The following RBL1 variants were observed in gnomAD, a reference collection of about 807,000 sequenced individuals.
RBL1 encodes retinoblastoma-like protein 1.
In RBL1, 82 loss-of-function variants were observed where a neutral mutation model predicts 123.0. The ratio of observed to expected loss-of-function variants is 0.67; its 90% CI spans 0.56 to 0.80. The LOEUF (loss-of-function observed/expected upper bound fraction) is 0.80, where lower values mean the gene tolerates loss of function less well. Among genes scored for constraint, RBL1 ranks in the 30% least tolerant of loss-of-function variants. RBL1 has a pLI of 0.00. For missense variants in RBL1, 1,171 were observed against 1,299.6 expected (o/e 0.90, Z 1.52); for synonymous variants, 405 against 441.3 (o/e 0.92, Z 1.03).
intron 12 of RBL1, among the ~76,000 whole-genome samples, chr20:37,045,457 T>C (rs572514017): frequency 6.6e-6 from 1 of 151,872 alleles, no homozygotes; most frequent in African/African-American, 2.4e-5. Context: ...TTATGTCATT[T>C]AAAAAAACAA....
At chr20:37,042,901 CCCCT>C (rs2064753696) in intron 13 of RBL1, among the ~76,000 whole-genome samples, 1 of 110,102 alleles carries the variant, frequency 9.1e-6, no homozygotes, top group Non-Finnish European at 2.0e-5. Flanking sequence ...CTTGTCCCCC[CCCCT>C]CCAAAAAAAA....
At position 37,022,781 on chromosome 20, in the gene RBL1, G is replaced by A; in HGVS notation, c.2428C>T (p.Leu810=). 6.2e-7 allele frequency: 1 copy of A among 1,613,576 alleles called. No individual in the cohort carries two copies. The highest frequency in any genetic ancestry group is 8.5e-7 in the Non-Finnish European group (1 of 1,179,642). The change falls in exon 17 of 22, where the codon CTG becomes TTG. Residue 810 remains leucine (L), a synonymous_variant. Transcript: ENST00000373664. The stretch of plus-strand genomic sequence containing the variant: ...CTTCGTAACTCATTTGAAACATCCA[G>A]TTTTAGACATAGATCACGTAAGCGT... ...SVRLRDLCLK[L]DVSNELRRKI...
At chr20:37,056,525 T>G (rs1325907022) in intron 9 of RBL1, among the ~76,000 whole-genome samples, 1 of 152,034 alleles carries the variant, frequency 6.6e-6, no homozygotes, top group Non-Finnish European at 1.5e-5. Flanking sequence ...TGGCTAATTT[T>G]TGTAGTTTTA....
chr20:37,025,582 T>C (rs1236775586), intron 16 of RBL1, among the ~76,000 whole-genome samples: 1 of 151,956 alleles, frequency 6.6e-6, no homozygotes. Context: ...TAAACAGCAT[T>C]GGTGTATGTA....
intron 1 of RBL1, among the ~76,000 whole-genome samples, chr20:37,090,872 C>T (rs1305776478): frequency 6.6e-6 from 1 of 152,164 alleles, no homozygotes; most frequent in Non-Finnish European, 1.5e-5. Flanking sequence ...CCATCACTGA[C>T]TGAAACATTC....
Position 37,022,826 on chromosome 20 carries a change from C to T in RBL1, c.2383G>A (p.Val795Ile). 1 of 1,602,328 alleles carries T rather than the reference C, an allele frequency of 6.2e-7. No homozygotes were observed. Among genetic ancestry groups the T allele is most frequent in the Non-Finnish European group, 8.5e-7 (1 of 1,173,186 alleles). The change falls in exon 17 of 22, where the codon GTC becomes ATC. Residue 795 changes from valine (V) to isoleucine (I), a missense_variant and splice_region_variant. By Grantham distance (29) the Val-to-Ile change is conservative. Coordinates refer to ENST00000373664, the MANE Select transcript of RBL1 (RefSeq NM_002895.5). ...AAGCGTACACTTGCCAAATGATAGA[C>T]CTAAAATAGAAGGTAACACATTGAT... ...TGSLALFYRKVYHLASVRLRD... is the reference protein window; with the variant it reads ...TGSLALFYRKIYHLASVRLRD...
chr20:37,026,731 C>T (rs1385539186), intron 16 of RBL1, among the ~76,000 whole-genome samples: 1 of 149,198 alleles, frequency 6.7e-6, no homozygotes, highest in Non-Finnish European at 1.5e-5. Context: ...TTAGGCTGGG[C>T]GCAGTGGCTC....
At chr20:37,078,360 CTG>C (rs2065397100) in intron 2 of RBL1, among the ~76,000 whole-genome samples, 2 of 152,188 alleles carry the variant, frequency 1.3e-5, no homozygotes. Context: ...TGATCTTTGA[CTG>C]TATCAATTAT....
In RBL1 at chr20:37,065,475, T is replaced by C. The variant is rs1239450139; in HGVS notation, c.847-2A>G. The C allele has an allele frequency of 1.3e-6, 2 of 1,588,258 alleles. No homozygotes were observed. On this transcript the variant is annotated splice_acceptor_variant, in intron 6 of 21. Coordinates refer to ENST00000373664, the MANE Select transcript of RBL1 (RefSeq NM_002895.5). LOFTEE classifies it high-confidence loss of function. ...CAGGAGGCATTCTCCTTTTAATATC[T>C]GTGAACAAAAAATTATTTTGGGACA...
At chr20:37,089,541 G>GACCCA (rs2065613188) in intron 1 of RBL1, among the ~76,000 whole-genome samples, 1 of 152,010 alleles carries the variant, frequency 6.6e-6, no homozygotes, top group East Asian at 1.9e-4. Flanking sequence ...CTACTTGGGT[G>GACCCA]GCTGAGGCAA....
At chr20:37,050,124 G>A (rs751064553) in intron 11 of RBL1, among the ~76,000 whole-genome samples, 3 of 151,462 alleles carry the variant, frequency 2.0e-5, no homozygotes, top group East Asian at 3.9e-4. Flanking sequence ...AAACAGAGAC[G>A]AAGCAGTCAA....
In RBL1 at chr20:37,032,853, T is replaced by A. The variant is rs1488363037; in HGVS notation, c.2194A>T (p.Ile732Phe). The A allele has an allele frequency of 1.2e-6, 2 of 1,613,910 alleles. No individual in the cohort carries two copies. The highest frequency in any genetic ancestry group is 1.3e-5 in the African/African-American group (1 of 74,898). ...LHGVANDAGEITLIPLSMNTN... is the reference protein window; with the variant it reads ...LHGVANDAGEFTLIPLSMNTN... ...TTCATGGAAAGAGGTATCAGTGTGA[T>A]CTCTCCAGCATCATTTGCGACACCT... The change falls in exon 16 of 22, where the codon ATC (isoleucine) becomes TTC (phenylalanine). Residue 732 changes from isoleucine (I) to phenylalanine (F), a missense_variant. Physicochemically the swap from Ile to Phe is conservative, Grantham distance 21 (BLOSUM62 0). Coordinates refer to ENST00000373664, the MANE Select transcript of RBL1 (RefSeq NM_002895.5).
chr20:37,037,579 T>A (rs923442985), intron 14 of RBL1, among the ~76,000 whole-genome samples: 2 of 152,150 alleles, frequency 1.3e-5, no homozygotes, highest in African/African-American at 4.8e-5. Context: ...GCCTTTTTTT[T>A]AACATTTTGA....
chr20:37,082,164 C>T (rs961475301), intron 2 of RBL1: 68 of 350,058 alleles, frequency 1.9e-4, no homozygotes, highest in Non-Finnish European at 9.0e-5. Flanking sequence ...ACCCCAGGGA[C>T]CTGCGTACCT....
Position 37,052,650 on chromosome 20 carries a change from C to T in RBL1, c.1467+2903G>A, listed in dbSNP as rs538678370. ...TCAGACTCCTGAGTAGCTGGGACTA[C>T]GGGCATGCGCCACCACGCCTGGCTA... On this transcript the variant is annotated intron_variant, in intron 11 of 21. Transcript: ENST00000373664. Among the ~76,000 whole-genome samples, 5 of 152,264 alleles carry T rather than the reference C, an allele frequency of 3.3e-5. 1 individual carries two copies. Among genetic ancestry groups the T allele is most frequent in the African/African-American group, 9.6e-5 (4 of 41,546 alleles).
rs1256481820 is a variant in RBL1, at chr20:37,012,527, G to A, written c.2723-4968C>T. On this transcript the variant is annotated intron_variant, in intron 19 of 21. Coordinates refer to ENST00000373664, the MANE Select transcript of RBL1 (RefSeq NM_002895.5). Reference sequence around the variant, plus strand: ...GCCTCTGCCCCGCCGCCCCGTCTGGGATGTGAGGAGCGCCTCTACCCGGCC... The same window carrying A: ...GCCTCTGCCCCGCCGCCCCGTCTGGAATGTGAGGAGCGCCTCTACCCGGCC... Among the ~76,000 whole-genome samples, 18 of 151,580 alleles carry A rather than the reference G, an allele frequency of 1.2e-4. 1 individual carries two copies. The highest frequency in any genetic ancestry group is 9.8e-4 in the Admixed American group (15 of 15,238).
In RBL1 at chr20:36,999,488, C is replaced by T. The variant is rs1445216305; in HGVS notation, c.3037-559G>A. On this transcript the variant is annotated intron_variant, in intron 21 of 21. Transcript: ENST00000373664. ...CTCCCTCTCCCTCCTCTCCCTCTCC[C>T]TCTCCCCACGGTCTCCCTCTCCCTC... 2.0e-5 allele frequency among the ~76,000 whole-genome samples: 3 copies of T among 150,894 alleles called. No homozygotes were observed. The East Asian group carries it at 5.8e-4, about 29-fold the overall frequency.
intron 19 of RBL1, among the ~76,000 whole-genome samples, chr20:37,012,280 C>T (rs577912479): frequency 4.0e-4 from 61 of 152,170 alleles, no homozygotes; most frequent in African/African-American, 1.1e-3. Flanking sequence ...TCTGCCCGGC[C>T]GCCACCCCGT....
chr20:37,036,311 T>C (rs2064610645), intron 14 of RBL1, among the ~76,000 whole-genome samples: 1 of 152,218 alleles, frequency 6.6e-6, no homozygotes, highest in African/African-American at 2.4e-5. Flanking sequence ...GGAGTCTTGC[T>C]CTGTCACCCA....
Sources: gnomAD v4.1 joint callset for allele counts (sites outside exome capture counted in the v4.1 genomes callset) on GRCh38, gnomAD v4.1.1 for gene constraint, MANE v1.5 for transcripts, NCBI Gene and HGNC (gene_info 2026-07-23, HGNC 2026-07-21) for gene names.